Variants in ZFHX3 observed in about 807,000 individuals in gnomAD.
ZFHX3 encodes zinc finger homeobox protein 3.
In ZFHX3, 42 loss-of-function variants were observed where a neutral mutation model predicts 279.1. That is an observed-to-expected ratio of 0.15 (90% CI 0.12 to 0.19). The LOEUF is 0.19. Among genes scored for constraint, ZFHX3 ranks in the 10% least tolerant of loss-of-function variants. ZFHX3 has a pLI of 1.00. For synonymous variants in ZFHX3, 2,293 were observed against 1,957.8 expected, an observed-to-expected ratio of 1.17 and a Z score of -4.52; for missense variants, 4,981 against 4,754.0, an observed-to-expected ratio of 1.05 and a Z score of -1.40.
chr16:73,226,232 T>C (rs914437523), intron 5 of ZFHX3, among the ~76,000 whole-genome samples: 6 of 152,106 alleles, frequency 3.9e-5, no homozygotes, highest in Non-Finnish European at 8.8e-5. Context: ...AAATCTCCCT[T>C]CCTGTCAAAG....
rs144804951 is a variant in ZFHX3 at position 73,790,713 on chromosome 16, G to A, written c.-1608+100938C>T. The stretch of plus-strand genomic sequence containing the variant: ...ATCTTCATGGAAATTTTATTTTGTT[G>A]GCATGTGAAGCTGCATCCTAACCAT... On this transcript the variant is annotated intron_variant, in intron 1 of 17. Coordinates refer to the ZFHX3 transcript ENST00000641206. Among the ~76,000 whole-genome samples, 996 of 152,256 alleles carry A rather than the reference G, an allele frequency of 6.5e-3. 12 individuals are homozygous for A. Among genetic ancestry groups the A allele is most frequent in the African/African-American group, 0.022 (932 of 41,538 alleles).
At chr16:73,032,568 A>G (rs1260794726) in intron 1 of ZFHX3, among the ~76,000 whole-genome samples, 2 of 152,142 alleles carry the variant, frequency 1.3e-5, no homozygotes, top group African/African-American at 4.8e-5. Flanking sequence ...AGAGACCAAA[A>G]TAACTAGCCT....
At chr16:72,990,498 G>A (rs1161290531) in intron 1 of ZFHX3, among the ~76,000 whole-genome samples, 10 of 152,122 alleles carry the variant, frequency 6.6e-5, no homozygotes, top group Admixed American at 3.3e-4. Context: ...TCCCAGCCAC[G>A]GATGGGACAA....
chr16:73,051,695 C>T (rs187820347), upstream of ZFHX3, among the ~76,000 whole-genome samples: 6 of 152,112 alleles, frequency 3.9e-5, no homozygotes, highest in East Asian at 1.9e-4. Flanking sequence ...GCTGTGATTT[C>T]GGAGAGTTTT....
intron 4 of ZFHX3, among the ~76,000 whole-genome samples, chr16:72,869,659 G>A (rs1380431828): frequency 6.6e-6 from 1 of 152,110 alleles, no homozygotes; most frequent in African/African-American, 2.4e-5. Flanking sequence ...GGGAGTATAG[G>A]CTAAAAATAA....
intron 2 of ZFHX3, among the ~76,000 whole-genome samples, chr16:73,557,945 C>G (rs1345585234): frequency 6.6e-6 from 1 of 152,184 alleles, no homozygotes; most frequent in African/African-American, 2.4e-5. Flanking sequence ...TCTGGAGCCT[C>G]TCTGTGGAAG....
intron 8 of ZFHX3, among the ~76,000 whole-genome samples, chr16:73,074,874 C>A (rs72795156): frequency 0.049 from 7,430 of 152,122 alleles, 259 homozygotes; most frequent in Middle Eastern, 0.13. Context: ...AATCTCAGTT[C>A]ACTACAACTT....
chr16:73,497,696 A>G (rs2019165342), intron 2 of ZFHX3, among the ~76,000 whole-genome samples: 1 of 152,104 alleles, frequency 6.6e-6, no homozygotes, highest in Non-Finnish European at 1.5e-5. Flanking sequence ...AAAGAACTGG[A>G]AACTCCCTGG....
At position 73,054,343 on chromosome 16, in the gene ZFHX3, C is replaced by T. The variant is rs146682963; in HGVS notation, c.-24+4187G>A. Among the ~76,000 whole-genome samples the T allele has an allele frequency of 1.9e-4, 29 of 152,046 alleles. No individual in the cohort carries two copies. In the East Asian group the frequency reaches 5.6e-3, roughly 29 times the overall value. On this transcript the variant is annotated intron_variant, in intron 1 of 8. Coordinates refer to the ZFHX3 transcript ENST00000397992. ...TTCGAGGTTCCAGGCAGGCGAGCGC[C>T]ACCAGCCCGGTTCCCCTCCCCCACA...
chr16:73,128,179 G>T (rs973607640), intron 7 of ZFHX3, among the ~76,000 whole-genome samples: 1 of 142,424 alleles, frequency 7.0e-6, no homozygotes, highest in African/African-American at 3.1e-5. Flanking sequence ...GACTGATACA[G>T]GGGGGCTGGG....
At chr16:73,221,213 A>C (rs1484208183) in intron 5 of ZFHX3, among the ~76,000 whole-genome samples, 2 of 152,076 alleles carry the variant, frequency 1.3e-5, no homozygotes, top group African/African-American at 2.4e-5. Flanking sequence ...ACCACGTCTT[A>C]TTTTTTCTGC....
At chr16:73,834,419 A>C (rs1961083819) in intron 1 of ZFHX3, among the ~76,000 whole-genome samples, 1 of 152,242 alleles carries the variant, frequency 6.6e-6, no homozygotes, top group Non-Finnish European at 1.5e-5. Context: ...GGGTCACAGC[A>C]TATGAAGTGT....
At chr16:73,045,373 G>A (rs963901183) in intron 1 of ZFHX3, among the ~76,000 whole-genome samples, 3 of 152,186 alleles carry the variant, frequency 2.0e-5, no homozygotes, top group African/African-American at 7.2e-5. Flanking sequence ...TCATAATGAT[G>A]AAAACTAAAT....
At chr16:73,514,917 TCC>T (rs2019494087) in intron 2 of ZFHX3, among the ~76,000 whole-genome samples, 2 of 152,206 alleles carry the variant, frequency 1.3e-5, no homozygotes, top group Non-Finnish European at 2.9e-5. Flanking sequence ...TTCCTCTCTC[TCC>T]CCCACATATG....
intron 2 of ZFHX3, among the ~76,000 whole-genome samples, chr16:73,667,306 A>G (rs1433157571): frequency 1.3e-5 from 2 of 152,112 alleles, no homozygotes; most frequent in Non-Finnish European, 2.9e-5. Flanking sequence ...GCAACTATTT[A>G]TCCATTCACT....
intron 1 of ZFHX3, among the ~76,000 whole-genome samples, chr16:73,731,126 G>A (rs752530575): frequency 6.6e-6 from 1 of 152,136 alleles, no homozygotes; most frequent in African/African-American, 2.4e-5. Flanking sequence ...TCATCTCTGC[G>A]CTCTGTATTT....
intron 5 of ZFHX3, among the ~76,000 whole-genome samples, chr16:73,200,873 G>T (rs1224438256): frequency 6.6e-6 from 1 of 152,158 alleles, no homozygotes; most frequent in Admixed American, 6.5e-5. Context: ...TTACGCTCAT[G>T]ATTATTCATC....
At chr16:73,475,484 C>G (rs554391277) in intron 2 of ZFHX3, among the ~76,000 whole-genome samples, 2 of 151,958 alleles carry the variant, frequency 1.3e-5, no homozygotes, top group African/African-American at 4.8e-5. Context: ...TGGTATTTGC[C>G]TAAAGGATGT....
intron 2 of ZFHX3, among the ~76,000 whole-genome samples, chr16:73,470,787 G>T (rs1021469208): frequency 2.0e-5 from 3 of 152,202 alleles, no homozygotes; most frequent in Admixed American, 1.3e-4. Context: ...CCTACACAGG[G>T]TGCTGAAAAA....
Sources: gnomAD v4.1 joint callset for allele counts (sites outside exome capture counted in the v4.1 genomes callset) on GRCh38, gnomAD v4.1.1 for gene constraint, MANE v1.5 for transcripts, NCBI Gene and HGNC (gene_info 2026-07-23, HGNC 2026-07-21) for gene names.